HDDC2: variants seen among roughly 807,000 people sequenced by gnomAD.
HDDC2 encodes the protein 5'-deoxynucleotidase HDDC2.
Under a neutral mutation model 25.5 loss-of-function variants are expected in HDDC2, and 25 were observed. The ratio of observed to expected loss-of-function variants is 0.98; its 90% confidence interval spans 0.72 to 1.37. The LOEUF is 1.37. Among genes scored for constraint, HDDC2 ranks in the 40% most tolerant of loss-of-function variants. The probability of loss-of-function intolerance (pLI) is 0.00; values close to 1 mark genes in which losing one functional copy is unlikely to be tolerated. For missense variants in HDDC2, 264 were observed against 253.1 expected, an observed-to-expected ratio of 1.04 and a Z score of -0.29; for synonymous variants, 106 against 89.7, an observed-to-expected ratio of 1.18 and a Z score of -1.03.
At chr6:125,299,158 C>T (rs928650893) in intron 2 of HDDC2, among the ~76,000 whole-genome samples, 8 of 152,222 alleles carry the variant, frequency 5.3e-5, no homozygotes, top group Non-Finnish European at 7.4e-5. Flanking sequence ...GCCGAGGTGG[C>T]GGATCACCTG....
At position 125,301,896 on chromosome 6, in the gene HDDC2, C is replaced by T; in HGVS notation, c.37G>A (p.Gly13Arg). The change falls in exon 1 of 6, where the codon GGG becomes AGG. Residue 13 changes from glycine (G) to arginine (R), a missense_variant. Gly to Arg is a moderately radical substitution (Grantham distance 125). Transcript: ENST00000398153. Reference protein sequence around the residue: ...SVSSATFSGHGARSLLQFLRL... With the variant: ...SVSSATFSGHRARSLLQFLRL... ...AGGAACTGCAGTAGGGACCGAGCCCCGTGGCCCGAGAAGGTCGCAGAGGAG... is the reference window on the plus strand; with the variant it reads ...AGGAACTGCAGTAGGGACCGAGCCCTGTGGCCCGAGAAGGTCGCAGAGGAG... 6.4e-7 allele frequency: 1 copy of T among 1,552,216 alleles called. No individual in the cohort carries two copies. Among genetic ancestry groups the T allele is most frequent in the South Asian group, 1.2e-5 (1 of 84,362 alleles).
rs1798493007 is a variant in HDDC2, at chr6:125,283,733, T to TA, written c.379-6494dup. 2.0e-5 allele frequency among the ~76,000 whole-genome samples: 3 copies of TA among 152,154 alleles called. No homozygotes were observed. In the South Asian group the frequency reaches 6.2e-4, roughly 32 times the overall value. Reference sequence around the variant, plus strand: ...AGAATCAATATCGTGAAAATGGCCATACTGCCCAAAGTAATTTATATATTC... The same window carrying TA: ...AGAATCAATATCGTGAAAATGGCCATAACTGCCCAAAGTAATTTATATATTC... On this transcript the variant is annotated intron_variant, in intron 4 of 5. Transcript: ENST00000398153.
intron 1 of HDDC2, 127 bp from the exon 2 acceptor site, chr6:125,300,786 T>C (rs922946218): frequency 1.1e-6 from 1 of 932,816 alleles, no homozygotes; most frequent in Non-Finnish European, 1.6e-6. Context: ...TATTACAAAA[T>C]GTTTTGCTAA....
rs531654785 is a variant in HDDC2 at position 125,288,634 on chromosome 6, GA to G, written c.378+4206del. Among the ~76,000 whole-genome samples the G allele has an allele frequency of 1.8e-4, 28 of 151,420 alleles. No homozygotes were observed. In the South Asian group the frequency reaches 5.9e-3, roughly 32 times the overall value. On this transcript the variant is annotated intron_variant, in intron 4 of 5. Coordinates refer to ENST00000398153, the MANE Select transcript of HDDC2 (RefSeq NM_016063.3). Reference sequence around the variant, plus strand: ...ACAATGAACTCAAACAAATTTACAAGAAAAAAACAAACAACCCCATCAAAAA... The same window carrying G: ...ACAATGAACTCAAACAAATTTACAAGAAAAAACAAACAACCCCATCAAAAA...
At chr6:125,277,066 C>T in intron 5 of HDDC2, 36 bp downstream of exon 5, 2 of 1,611,446 alleles carry the variant, frequency 1.2e-6, no homozygotes, top group Middle Eastern at 1.7e-4. Context: ...GTAAGCCAAA[C>T]TAAAATGGAC....
chr6:125,298,632 G>GT (rs1798744307), intron 3 of HDDC2, 82 bp downstream of exon 3: 1 of 970,312 alleles, frequency 1.0e-6, no homozygotes, highest in South Asian at 1.3e-5. Flanking sequence ...CTCCCTAACT[G>GT]TAACAGGTCT....
rs764949651 is a variant in HDDC2 at position 125,300,488 on chromosome 6, C to T, written c.206+50G>A. On this transcript the variant is annotated intron_variant, in intron 2 of 5. Transcript: ENST00000398153. The stretch of plus-strand genomic sequence containing the variant: ...GGTCTCAGTAGTAAAAACGGGTGCA[C>T]ACCCATAGACCAGAATCTCTCACGA... 7 of 1,583,994 alleles carry T rather than the reference C, an allele frequency of 4.4e-6. No individual in the cohort carries two copies. The East Asian group carries it at 1.1e-4, about 25-fold the overall frequency.
intron 4 of HDDC2, among the ~76,000 whole-genome samples, chr6:125,291,955 A>C (rs1268523830): frequency 6.6e-6 from 1 of 152,130 alleles, no homozygotes; most frequent in Non-Finnish European, 1.5e-5. Context: ...GGACAACCTG[A>C]CCCAGCACAT....
intron 1 of HDDC2, among the ~76,000 whole-genome samples, chr6:125,301,120 C>T (rs1467887100): frequency 6.6e-6 from 1 of 152,110 alleles, no homozygotes; most frequent in Non-Finnish European, 1.5e-5. Context: ...TGCTACCAGC[C>T]GTGACTCTTC....
chr6:125,285,091 A>G (rs1461661049), intron 4 of HDDC2, among the ~76,000 whole-genome samples: 2 of 147,516 alleles, frequency 1.4e-5, no homozygotes, highest in Non-Finnish European at 3.0e-5. Flanking sequence ...ATATGTTCTC[A>G]CTCATAAGTG....
At chr6:125,287,644 T>C (rs1798560087) in intron 4 of HDDC2, among the ~76,000 whole-genome samples, 1 of 151,980 alleles carries the variant, frequency 6.6e-6, no homozygotes, top group Non-Finnish European at 1.5e-5. Flanking sequence ...CAGGAGAATG[T>C]ATGGAGCAAT....
At chr6:125,286,973 T>A (rs1463098706) in intron 4 of HDDC2, among the ~76,000 whole-genome samples, 1 of 152,176 alleles carries the variant, frequency 6.6e-6, no homozygotes, top group Non-Finnish European at 1.5e-5. Flanking sequence ...AAGAACCCAA[T>A]ATGCCCCCAT....
At chr6:125,301,806 C>G in intron 1 of HDDC2, 43 bp downstream of exon 1, 2 of 1,467,154 alleles carry the variant, frequency 1.4e-6, no homozygotes, top group South Asian at 2.4e-5. Flanking sequence ...GCCCCACAGT[C>G]CCGCCCGCTC....
intron 4 of HDDC2, among the ~76,000 whole-genome samples, chr6:125,284,033 T>C (rs1798497413): frequency 6.6e-6 from 1 of 152,174 alleles, no homozygotes; most frequent in Admixed American, 6.5e-5. Context: ...AACCATCTGA[T>C]CTTTGACAAA....
chr6:125,296,515 C>G (rs1798707925), intron 3 of HDDC2, among the ~76,000 whole-genome samples: 1 of 152,192 alleles, frequency 6.6e-6, no homozygotes, highest in Non-Finnish European at 1.5e-5. Flanking sequence ...TAAACACCAT[C>G]TGCATAAAGA....
At chr6:125,293,088 A>C in intron 3 of HDDC2, 179 bp from the exon 4 acceptor site, 1 of 687,276 alleles carries the variant, frequency 1.5e-6, no homozygotes, top group South Asian at 1.5e-5. Context: ...TGTATACCTT[A>C]AATAAATAAG....
chr6:125,294,968 T>A (rs1412717365), intron 3 of HDDC2, among the ~76,000 whole-genome samples: 1 of 152,250 alleles, frequency 6.6e-6, no homozygotes, highest in African/African-American at 2.4e-5. Context: ...ATTTTCTGAA[T>A]CTAGGCTGAT....
chr6:125,291,030 T>C (rs2115111814), intron 4 of HDDC2, among the ~76,000 whole-genome samples: 1 of 152,306 alleles, frequency 6.6e-6, no homozygotes, highest in East Asian at 1.9e-4. Context: ...AGGTACAAAC[T>C]ATTGTAGAAG....
At chr6:125,293,511 C>T (rs763471185) in intron 3 of HDDC2, among the ~76,000 whole-genome samples, 15 of 152,184 alleles carry the variant, frequency 9.9e-5, no homozygotes, top group Non-Finnish European at 2.2e-4. Context: ...TTAGCTAAAC[C>T]ATCCATGTAG....
Sources: gnomAD v4.1 joint callset for allele counts (sites outside exome capture counted in the v4.1 genomes callset) on GRCh38, gnomAD v4.1.1 for gene constraint, MANE v1.5 for transcripts, NCBI Gene and HGNC (gene_info 2026-07-23, HGNC 2026-07-21) for gene names.